The following GRIP1 variants were observed in gnomAD, a reference collection of about 807,000 sequenced individuals.
GRIP1 encodes glutamate receptor interacting protein 1, also known as glutamate receptor-interacting protein 1.
In GRIP1, 45 loss-of-function variants were observed where a neutral mutation model predicts 129.9. That is an observed-to-expected ratio of 0.35 (90% CI 0.27 to 0.44). The LOEUF (loss-of-function observed/expected upper bound fraction) is 0.44, where lower values mean the gene tolerates loss of function less well. Ranked by LOEUF, GRIP1 falls within the 20% of genes least tolerant of loss-of-function variation. GRIP1 has a pLI of 1.00. For synonymous variants in GRIP1, 530 were observed against 520.8 expected, an observed-to-expected ratio of 1.02 and a Z score of -0.24; for missense variants, 1,196 against 1,396.8, an observed-to-expected ratio of 0.86 and a Z score of 2.29.
chr12:66,712,211 G>T (rs2035734594), intron 1 of GRIP1, among the ~76,000 whole-genome samples: 1 of 151,832 alleles, frequency 6.6e-6, no homozygotes, highest in South Asian at 2.1e-4. Flanking sequence ...TTACCAACTG[G>T]AAAATATTTT....
intron 7 of GRIP1, among the ~76,000 whole-genome samples, chr12:66,475,469 C>T (rs1009566583): frequency 6.6e-6 from 1 of 152,142 alleles, no homozygotes; most frequent in African/African-American, 2.4e-5. Flanking sequence ...CAGCTCTGCA[C>T]CAAGCAGACC....
intron 7 of GRIP1, among the ~76,000 whole-genome samples, chr12:66,506,805 A>G (rs1348776662): frequency 3.9e-5 from 6 of 152,194 alleles, no homozygotes; most frequent in African/African-American, 1.4e-4. Flanking sequence ...GAAACATAGT[A>G]AGTGGCTCTG....
chr12:66,836,855 G>A (rs139025886), intron 1 of GRIP1, among the ~76,000 whole-genome samples: 345 of 152,294 alleles, frequency 2.3e-3, no homozygotes, highest in African/African-American at 8.0e-3. Flanking sequence ...CATTTGAAGA[G>A]GAGGATGTTT....
At chr12:66,405,759 A>G (rs2057167782) in intron 16 of GRIP1, among the ~76,000 whole-genome samples, 1 of 152,242 alleles carries the variant, frequency 6.6e-6, no homozygotes, top group African/African-American at 2.4e-5. Context: ...AGCTGGATAA[A>G]GATATCTATG....
intron 7 of GRIP1, among the ~76,000 whole-genome samples, chr12:66,468,312 T>C (rs902099660): frequency 1.3e-5 from 2 of 152,208 alleles, no homozygotes; most frequent in Admixed American, 6.5e-5. Context: ...AGCCATGAGA[T>C]AGATGAAGCC....
intron 1 of GRIP1, among the ~76,000 whole-genome samples, chr12:66,685,227 CA>C (rs2034737544): frequency 6.6e-6 from 1 of 152,078 alleles, no homozygotes; most frequent in African/African-American, 2.4e-5. Context: ...AATCATTGAC[CA>C]ACACTTGCTT....
chr12:66,666,221 T>A (rs1409408403), intron 1 of GRIP1, among the ~76,000 whole-genome samples: 1 of 152,190 alleles, frequency 6.6e-6, no homozygotes, highest in Non-Finnish European at 1.5e-5. Context: ...ATTATGTAAA[T>A]ATTTTTCACT....
intron 1 of GRIP1, among the ~76,000 whole-genome samples, chr12:66,864,874 GGCTGGAACT>G (rs1353397080): frequency 6.6e-6 from 1 of 152,056 alleles, no homozygotes; most frequent in Non-Finnish European, 1.5e-5. Flanking sequence ...ATAGTCCACT[GGCTGGAACT>G]GTTGACCATC....
At chr12:66,493,497 C>T (rs902692409) in intron 7 of GRIP1, among the ~76,000 whole-genome samples, 6 of 152,050 alleles carry the variant, frequency 3.9e-5, no homozygotes, top group Admixed American at 3.9e-4. Context: ...TTTTAGACAG[C>T]AAGGGTATTT....
chr12:66,638,411 C>T (rs1464455602), intron 1 of GRIP1, among the ~76,000 whole-genome samples: 1 of 152,132 alleles, frequency 6.6e-6, no homozygotes, highest in Non-Finnish European at 1.5e-5. Context: ...ATAACCTGCC[C>T]AGGGTTACAA....
Position 66,533,878 on chromosome 12 carries a change from CA to C in GRIP1, c.419-3965del, listed in dbSNP as rs1232759571. Among the ~76,000 whole-genome samples, 939 of 143,128 alleles carry C rather than the reference CA, an allele frequency of 6.6e-3. 14 individuals carry two copies. Among genetic ancestry groups the C allele is most frequent in the African/African-American group, 0.021 (807 of 37,792 alleles). The allele number at this position is 143,128 out of a possible 152,430, so 93.9% of individuals were successfully genotyped here. A position where few individuals can be genotyped will look rare whatever the true frequency, so the allele number is the denominator to read the frequency against. On this transcript the variant is annotated intron_variant, in intron 4 of 24. Coordinates refer to ENST00000359742, the MANE Select transcript of GRIP1 (RefSeq NM_001366722.1). ...ACACACACACTCACACACACACACA[CA>C]TACACACACTCTCTCTCTCTCTCTC...
intron 5 of GRIP1, among the ~76,000 whole-genome samples, chr12:66,520,668 G>A (rs1000619590): frequency 6.6e-6 from 1 of 152,190 alleles, no homozygotes; most frequent in Non-Finnish European, 1.5e-5. Flanking sequence ...TGGGAAGGGT[G>A]TTTTACTAAC....
At chr12:66,879,481 T>A (rs1324760485) in intron 1 of GRIP1, among the ~76,000 whole-genome samples, 3 of 151,998 alleles carry the variant, frequency 2.0e-5, no homozygotes, top group Admixed American at 2.0e-4. Context: ...GGCCACATAC[T>A]GAGCAAACCA....
intron 1 of GRIP1, among the ~76,000 whole-genome samples, chr12:66,691,821 G>A (rs1338671045): frequency 1.3e-5 from 2 of 152,078 alleles, no homozygotes; most frequent in African/African-American, 4.8e-5. Flanking sequence ...TTGATCAAAA[G>A]GGACTCACAG....
chr12:66,990,609 C>T (rs560065877), intron 1 of GRIP1, among the ~76,000 whole-genome samples: 4 of 152,312 alleles, frequency 2.6e-5, no homozygotes, highest in East Asian at 3.9e-4. Context: ...ATTTATTCCC[C>T]GTTTTACATA....
At chr12:66,986,484 A>C (rs974579112) in intron 1 of GRIP1, among the ~76,000 whole-genome samples, 5 of 149,338 alleles carry the variant, frequency 3.3e-5, no homozygotes, top group Admixed American at 6.7e-5. Flanking sequence ...TACACCATGG[A>C]ATACTATGCA....
intron 1 of GRIP1, among the ~76,000 whole-genome samples, chr12:66,823,822 A>G (rs1340432988): frequency 1.3e-5 from 2 of 152,140 alleles, no homozygotes; most frequent in African/African-American, 2.4e-5. Flanking sequence ...CTCTCCCACA[A>G]TATAATCCCA....
In GRIP1 at chr12:66,700,234, A is replaced by G. The variant is rs531789871; in HGVS notation, c.-419-69898T>C. ...GGGAAAAGCATCAGTGAAGGAATGGATCTGAGGCATGGTGTGATGTATGCT... is the reference window on the plus strand; with the variant it reads ...GGGAAAAGCATCAGTGAAGGAATGGGTCTGAGGCATGGTGTGATGTATGCT... On this transcript the variant is annotated intron_variant, in intron 1 of 4. Transcript: ENST00000538373. 2.0e-5 allele frequency among the ~76,000 whole-genome samples: 3 copies of G among 152,204 alleles called. No homozygotes were observed. In the South Asian group the frequency reaches 6.2e-4, roughly 32 times the overall value.
Position 66,371,893 on chromosome 12 carries a change from T to C in GRIP1, c.2813A>G (p.Asn938Ser), listed in dbSNP as rs748131211. Residue 938 changes from asparagine to serine, a missense_variant, in exon 23 of 25, where the codon AAT becomes AGT. Asn to Ser is a conservative substitution (Grantham distance 46). This residue lies in a region of GRIP1 where 427 missense variants were observed against 463.3 expected (regional missense o/e 0.92). Coordinates refer to ENST00000359742, the MANE Select transcript of GRIP1 (RefSeq NM_001366722.1). ...TIMSGSTMSLNHEAPTPRSQL... is the reference protein window; with the variant it reads ...TIMSGSTMSLSHEAPTPRSQL... ...ACTGCGAGGTGTTGGAGCCTCATGA[T>C]TCAAACTCATCGTGCTCCCCGACAT... 1.2e-6 allele frequency: 2 copies of C among 1,612,762 alleles called. No individual in the cohort carries two copies. The highest frequency in any genetic ancestry group is 1.7e-6 in the Non-Finnish European group (2 of 1,179,794).
Sources: gnomAD v4.1 joint callset for allele counts (sites outside exome capture counted in the v4.1 genomes callset) on GRCh38, gnomAD v4.1.1 for gene constraint, gnomAD v4.1.1 regional missense constraint, MANE v1.5 for transcripts, NCBI Gene and HGNC (gene_info 2026-07-23, HGNC 2026-07-21) for gene names.